The following KIAA0232 variants were observed in gnomAD, a reference collection of about 807,000 sequenced individuals.
KIAA0232 encodes KIAA0232.
A neutral mutation model predicts 122.0 loss-of-function variants in KIAA0232; 27 were observed. That is an observed-to-expected ratio of 0.22 (90% confidence interval 0.16 to 0.31). KIAA0232 has a LOEUF of 0.31. Ranked by LOEUF, KIAA0232 falls within the 10% of genes least tolerant of loss-of-function variation. The probability of loss-of-function intolerance (pLI) is 1.00; values close to 1 mark genes in which losing one functional copy is unlikely to be tolerated. For missense variants in KIAA0232, 1,551 were observed against 1,634.2 expected (o/e 0.95, Z 0.88); for synonymous variants, 613 against 587.6 (o/e 1.04, Z -0.63).
At chr4:6,857,365 C>T in intron 5 of KIAA0232, 135 bp downstream of exon 5, 1 of 619,482 alleles carries the variant, frequency 1.6e-6, no homozygotes, top group Non-Finnish European at 2.6e-6. Context: ...TGTCACTAGG[C>T]CAGCCTCATG....
At chr4:6,832,695 C>G (rs1047117653) in intron 3 of KIAA0232, among the ~76,000 whole-genome samples, 1 of 152,122 alleles carries the variant, frequency 6.6e-6, no homozygotes, top group African/African-American at 2.4e-5. Context: ...ATTCCCAGCC[C>G]TTAAAACAGT....
Position 6,792,435 on chromosome 4 carries a change from A to G in KIAA0232, c.-354+9594A>G, listed in dbSNP as rs566198061. Among the ~76,000 whole-genome samples, 15 of 152,284 alleles carry G rather than the reference A, an allele frequency of 9.9e-5. No homozygotes were observed. In the South Asian group the frequency reaches 1.0e-3, roughly 11 times the overall value. ...TAACTACTCTGAATAATCATTTGTC[A>G]TGTTAAAAATTTTCTTGGTGGCTAT... On this transcript the variant is annotated intron_variant, in intron 1 of 9. Coordinates refer to ENST00000307659, the MANE Select transcript of KIAA0232 (RefSeq NM_014743.3).
chr4:6,844,025 C>T (rs1280099062), intron 4 of KIAA0232, among the ~76,000 whole-genome samples: 4 of 146,692 alleles, frequency 2.7e-5, no homozygotes, highest in African/African-American at 5.1e-5. Context: ...CTGCAAGCTC[C>T]GCCTCCTGGG....
At chr4:6,822,560 T>G (rs1718471563) in intron 2 of KIAA0232, among the ~76,000 whole-genome samples, 2 of 152,174 alleles carry the variant, frequency 1.3e-5, no homozygotes, top group African/African-American at 2.4e-5. Flanking sequence ...GAGGTTTACC[T>G]TTCATTACAT....
In KIAA0232 at chr4:6,881,112, G is replaced by C; in HGVS notation, c.*146G>C. 2 of 611,210 alleles carry C rather than the reference G, an allele frequency of 3.3e-6. No homozygotes were observed. Among genetic ancestry groups the C allele is most frequent in the South Asian group, 8.6e-5 (2 of 23,154 alleles). 37.9% of individuals were successfully genotyped at this position (611,210 alleles called of 1,614,324 possible). On this transcript the variant is annotated 3_prime_UTR_variant, in exon 10 of 10. Coordinates refer to ENST00000307659, the MANE Select transcript of KIAA0232 (RefSeq NM_014743.3). ...TGGTAATAATTATCTTTCTCTTCTT[G>C]CTTATTTTAGAGTTGAGGACAGCTA...
intron 7 of KIAA0232, 134 bp downstream of exon 7, chr4:6,864,317 C>T (rs1298189081): frequency 3.0e-6 from 3 of 1,003,986 alleles, no homozygotes; most frequent in South Asian, 3.5e-5. Flanking sequence ...TTAAATTGTT[C>T]TAATTTTACA....
chr4:6,787,523 T>C (rs373699139), intron 1 of KIAA0232, among the ~76,000 whole-genome samples: 1 of 152,352 alleles, frequency 6.6e-6, no homozygotes, highest in African/African-American at 2.4e-5. Context: ...TGTTTTGCTT[T>C]ATAGCATTTT....
chr4:6,784,127 G>A (rs1390317941), intron 1 of KIAA0232, among the ~76,000 whole-genome samples: 1 of 151,556 alleles, frequency 6.6e-6, no homozygotes, highest in Non-Finnish European at 1.5e-5. Flanking sequence ...GAGATTCAGC[G>A]GAGAGGAGGC....
chr4:6,865,362 C>T (rs983510182), intron 7 of KIAA0232, among the ~76,000 whole-genome samples: 5 of 152,156 alleles, frequency 3.3e-5, no homozygotes, highest in African/African-American at 7.2e-5. Flanking sequence ...TGCAGTGGTG[C>T]GATCTCAGCT....
In KIAA0232 at chr4:6,861,545, T is replaced by C. The variant is rs775432748; in HGVS notation, c.1163T>C (p.Met388Thr). 2 of 1,613,856 alleles carry C rather than the reference T, an allele frequency of 1.2e-6. No individual in the cohort carries two copies. Among genetic ancestry groups the C allele is most frequent in the Admixed American group, 1.7e-5 (1 of 60,000 alleles). ...AGCACTGAAGGAAAAGACCTGTACA[T>C]GGAGAATAGAAAGGACACAGAGTAT... ...PGSTEGKDLYMENRKDTEYKE... is the reference protein window; with the variant it reads ...PGSTEGKDLYTENRKDTEYKE... Residue 388 changes from methionine to threonine, a missense_variant, in exon 7 of 10, where the codon ATG becomes ACG. Physicochemically the swap from Met to Thr is moderately conservative, Grantham distance 81. This residue lies in a region of KIAA0232 where 377 missense variants were observed against 381.7 expected (regional missense o/e 0.99). Transcript: ENST00000307659.
At chr4:6,870,975 T>G (rs1036379138) in intron 7 of KIAA0232, among the ~76,000 whole-genome samples, 1 of 152,242 alleles carries the variant, frequency 6.6e-6, no homozygotes, top group African/African-American at 2.4e-5. Context: ...GAAGTTTGCC[T>G]TGCTTGGGAG....
At chr4:6,833,878 C>G (rs1320306107) in intron 3 of KIAA0232, among the ~76,000 whole-genome samples, 3 of 152,150 alleles carry the variant, frequency 2.0e-5, no homozygotes, top group Non-Finnish European at 2.9e-5. Context: ...ACCACCTTGA[C>G]TTTTATCCCA....
At chr4:6,842,453 C>T (rs960274804) in intron 4 of KIAA0232, among the ~76,000 whole-genome samples, 3 of 151,966 alleles carry the variant, frequency 2.0e-5, no homozygotes, top group Non-Finnish European at 4.4e-5. Flanking sequence ...TTTTCCAACT[C>T]GACTATTTCA....
chr4:6,852,005 T>C (rs1720311681), intron 4 of KIAA0232, among the ~76,000 whole-genome samples: 1 of 152,192 alleles, frequency 6.6e-6, no homozygotes, highest in Non-Finnish European at 1.5e-5. Flanking sequence ...ATTATAACAG[T>C]TTGATATCCT....
chr4:6,795,314 C>T (rs562473966), intron 1 of KIAA0232, among the ~76,000 whole-genome samples: 8 of 152,234 alleles, frequency 5.3e-5, no homozygotes, highest in Admixed American at 1.3e-4. Flanking sequence ...CCTTGTGATC[C>T]GCCTGCTTCA....
At chr4:6,864,628 C>G (rs955461021) in intron 7 of KIAA0232, among the ~76,000 whole-genome samples, 1 of 149,374 alleles carries the variant, frequency 6.7e-6, no homozygotes, top group Admixed American at 6.8e-5. Flanking sequence ...AATCCCAGCT[C>G]CTTGGGAGGC....
At chr4:6,842,558 T>C (rs1255281891) in intron 4 of KIAA0232, among the ~76,000 whole-genome samples, 1 of 151,976 alleles carries the variant, frequency 6.6e-6, no homozygotes, top group Admixed American at 6.6e-5. Flanking sequence ...ATATAATCTT[T>C]ATTACTGGAT....
intron 4 of KIAA0232, among the ~76,000 whole-genome samples, chr4:6,849,418 T>C (rs972775841): frequency 5.9e-5 from 9 of 152,110 alleles, no homozygotes; most frequent in Admixed American, 1.3e-4. Context: ...GAGTTTGAGA[T>C]CAGCCTCGCC....
intron 1 of KIAA0232, among the ~76,000 whole-genome samples, chr4:6,788,867 T>C (rs1316866575): frequency 6.6e-6 from 1 of 152,228 alleles, no homozygotes; most frequent in Non-Finnish European, 1.5e-5. Flanking sequence ...ACGACACTAG[T>C]GGTTGGATAC....
Sources: gnomAD v4.1 joint callset for allele counts (sites outside exome capture counted in the v4.1 genomes callset) on GRCh38, gnomAD v4.1.1 for gene constraint, gnomAD v4.1.1 regional missense constraint, MANE v1.5 for transcripts, NCBI Gene and HGNC (gene_info 2026-07-23, HGNC 2026-07-21) for gene names.